The following ZNF615 variants were observed in gnomAD, a reference collection of about 807,000 sequenced individuals.
ZNF615 encodes zinc finger protein 615.
ZNF615 carries 15 observed loss-of-function variants against 15.3 expected under a neutral mutation model. The observed-to-expected ratio is 0.98, with a 90% CI of 0.66 to 1.51. The LOEUF (loss-of-function observed/expected upper bound fraction) is 1.51, where lower values mean the gene tolerates loss of function less well. ZNF615 is among the 40% of genes most tolerant of loss of function. ZNF615 has a pLI of 0.00. For synonymous variants in ZNF615, 268 were observed against 294.6 expected, an observed-to-expected ratio of 0.91 and a Z score of 0.92; for missense variants, 848 against 895.9, an observed-to-expected ratio of 0.95 and a Z score of 0.68.
Position 51,994,130 on chromosome 19 carries a change from G to A in ZNF615, c.979C>T (p.His327Tyr), listed in dbSNP as rs772020492. 6.2e-7 allele frequency: 1 copy of A among 1,613,040 alleles called. No individual in the cohort carries two copies. The highest frequency in any genetic ancestry group is 1.7e-5 in the Admixed American group (1 of 59,926). Residue 327 changes from histidine to tyrosine, a missense_variant, in exon 7 of 7, where the codon CAT (histidine) becomes TAT (tyrosine). Physicochemically the swap from His to Tyr is moderately conservative, Grantham distance 83 (BLOSUM62 2). Coordinates refer to ENST00000598071, the MANE Select transcript of ZNF615 (RefSeq NM_001199324.2). ...GCCTTCCCACATACACTGCATCCAT[G>A]GGGTTTCTCTCCTGTATGAGTTCGT... ...HQRTHTGEKP[H>Y]GCSVCGKAFS... is the part of the protein sequence containing the mutation.
intron 3 of ZNF615, among the ~76,000 whole-genome samples, chr19:52,003,158 T>C (rs2123071589): frequency 6.6e-6 from 1 of 152,222 alleles, no homozygotes; most frequent in Middle Eastern, 3.4e-3. Context: ...AAAAAATCCT[T>C]AGAATATATA....
At chr19:52,003,573 G>T in intron 3 of ZNF615, 124 bp downstream of exon 3, 1 of 855,880 alleles carries the variant, frequency 1.2e-6, no homozygotes, top group Non-Finnish European at 1.8e-6. Flanking sequence ...ATCCTTCTTT[G>T]CCCAGATTTC....
chr19:52,001,001 C>T (rs769780131), intron 5 of ZNF615, among the ~76,000 whole-genome samples: 6 of 151,642 alleles, frequency 4.0e-5, no homozygotes, highest in Non-Finnish European at 7.4e-5. Context: ...ACATAAATGC[C>T]AATCAGAGAC....
In ZNF615 at chr19:52,000,386, A is replaced by T. The variant is rs534769096; in HGVS notation, c.239-8T>A. The T allele has an allele frequency of 5.8e-4, 362 of 628,818 alleles. No individual in the cohort carries two copies. The highest frequency in any genetic ancestry group is 1.2e-3 in the Admixed American group (53 of 45,740). 39.0% of individuals were successfully genotyped at this position (628,818 alleles called of 1,614,324 possible). A position where few individuals can be genotyped will look rare whatever the true frequency, so the allele number is the denominator to read the frequency against. Reference sequence around the variant, plus strand: ...CTGATGCACCTCCTGAATCTAAAATAAAAACATAAAAGATAAAATAAAATT... The same window carrying T: ...CTGATGCACCTCCTGAATCTAAAATTAAAACATAAAAGATAAAATAAAATT... On this transcript the variant is annotated splice_polypyrimidine_tract_variant and splice_region_variant and intron_variant, in intron 5 of 6. Coordinates refer to ENST00000598071, the MANE Select transcript of ZNF615 (RefSeq NM_001199324.2).
chr19:52,007,647 T>TG (rs2086792590), intron 1 of ZNF615, among the ~76,000 whole-genome samples: 1 of 152,180 alleles, frequency 6.6e-6, no homozygotes, highest in African/African-American at 2.4e-5. Flanking sequence ...TCGGAATCTG[T>TG]GGCGCTACCA....
In ZNF615 at chr19:51,993,788, A is replaced by C. The variant is rs761138808; in HGVS notation, c.1321T>G (p.Cys441Gly). The change falls in exon 7 of 7, where the codon TGC (cysteine) becomes GGC (glycine). Residue 441 changes from cysteine to glycine, a missense_variant. By Grantham distance (159) the Cys-to-Gly change is radical. Coordinates refer to ENST00000598071, the MANE Select transcript of ZNF615 (RefSeq NM_001199324.2). ...RTHTGEKPYKCNECGKGFALK... is the reference protein window; with the variant it reads ...RTHTGEKPYKGNECGKGFALK... ...GCGAAGCCCTTTCCACACTCATTGC[A>C]TTTATAAGGTTTCTCTCCAGTATGA... 1 of 1,614,120 alleles carries C rather than the reference A, an allele frequency of 6.2e-7. No individual in the cohort carries two copies. Among genetic ancestry groups the C allele is most frequent in the South Asian group, 1.1e-5 (1 of 91,080 alleles).
chr19:51,993,786 G>A lies in ZNF615; in HGVS notation c.1323C>T (p.Cys441=). Residue 441 remains cysteine, a synonymous_variant, in exon 7 of 7, where the codon TGC becomes TGT. Transcript: ENST00000598071. ...AAGCGAAGCCCTTTCCACACTCATT[G>A]CATTTATAAGGTTTCTCTCCAGTAT... ...RTHTGEKPYK[C]NECGKGFALK... 1.2e-6 allele frequency: 2 copies of A among 1,614,112 alleles called. No homozygotes were observed. The highest frequency in any genetic ancestry group is 8.5e-7 in the Non-Finnish European group (1 of 1,180,022).
chr19:52,006,854 GAATT>G (rs1007873558), intron 2 of ZNF615, among the ~76,000 whole-genome samples: 21 of 151,788 alleles, frequency 1.4e-4, no homozygotes, highest in Admixed American at 3.3e-4. Flanking sequence ...GTAATACTAA[GAATT>G]AAGATGACCA....
Position 52,003,753 on chromosome 19 carries a change from T to C in ZNF615, c.-42A>G, listed in dbSNP as rs1304866912. The C allele has an allele frequency of 7.5e-6, 12 of 1,609,038 alleles. No individual in the cohort carries two copies. Among genetic ancestry groups the C allele is most frequent in the Non-Finnish European group, 9.3e-6 (11 of 1,178,138 alleles). ...GAAATGACTGCTAACTTGGACGTTC[T>C]GTATTTGTCTCTTCTGAATCAGCTC... On this transcript the variant is annotated 5_prime_UTR_variant, in exon 3 of 7. Transcript: ENST00000598071.
chr19:51,994,040 A>T lies in ZNF615; in HGVS notation c.1069T>A (p.Cys357Ser), dbSNP rs775233883. 6.2e-7 allele frequency: 1 copy of T among 1,613,982 alleles called. No individual in the cohort carries two copies. The highest frequency in any genetic ancestry group is 1.3e-5 in the African/African-American group (1 of 74,912). ...KTHTGEKPYI[C>S]SECGKGFIEK... Reference sequence around the variant, plus strand: ...ATGAAGCCTTTTCCACATTCACTACATATATAAGGTTTTTCTCCTGTATGA... The same window carrying T: ...ATGAAGCCTTTTCCACATTCACTACTTATATAAGGTTTTTCTCCTGTATGA... The change falls in exon 7 of 7, where the codon TGT becomes AGT. Residue 357 changes from cysteine (C) to serine (S), a missense_variant. Transcript: ENST00000598071.
In ZNF615 at chr19:51,995,919, C is replaced by CA. The variant is rs556522118; in HGVS notation, c.272-1083dup. Among the ~76,000 whole-genome samples, 269 of 151,140 alleles carry CA rather than the reference C, an allele frequency of 1.8e-3. 1 individual carries two copies. Among genetic ancestry groups the CA allele is most frequent in the African/African-American group, 6.3e-3 (259 of 41,162 alleles). ...AGGAAAAAATGAAATCACAAGGAAGCAAAAAAATAAAGAAGGTAATTGCAT... is the reference window on the plus strand; with the variant it reads ...AGGAAAAAATGAAATCACAAGGAAGCAAAAAAAATAAAGAAGGTAATTGCAT... On this transcript the variant is annotated intron_variant, in intron 6 of 6. Transcript: ENST00000598071.
rs2288887 is a variant in ZNF615, at chr19:51,992,550, A to G, written c.*330T>C. The G allele has an allele frequency of 0.36, 78,099 of 214,372 alleles. 16,230 individuals are homozygous for G. The highest frequency in any genetic ancestry group is 0.58 in the African/African-American group (25,151 of 43,222). 13.3% of individuals were successfully genotyped at this position (214,372 alleles called of 1,614,324 possible). A position where few individuals can be genotyped will look rare whatever the true frequency, so the allele number is the denominator to read the frequency against. On this transcript the variant is annotated 3_prime_UTR_variant, in exon 7 of 7. Coordinates refer to ENST00000598071, the MANE Select transcript of ZNF615 (RefSeq NM_001199324.2). ...AGTGTGAACTCTCTCAATCTGTTGA[A>G]GTTTTATTTTTGGGCAAAGACGTTC...
At position 51,993,218 on chromosome 19, in the gene ZNF615, C is replaced by T; in HGVS notation, c.1891G>A (p.Gly631Arg). 6.2e-7 allele frequency: 1 copy of T among 1,614,192 alleles called. No homozygotes were observed. Among genetic ancestry groups the T allele is most frequent in the Non-Finnish European group, 8.5e-7 (1 of 1,180,034 alleles). ...TLSIHQQTHTGEKPYKCNECD... is the reference protein window; with the variant it reads ...TLSIHQQTHTREKPYKCNECD... ...TCATTGCATTTGTATGGCTTCTCTC[C>T]AGTATGAGTTTGCTGATGTATACTG... The change falls in exon 7 of 7, where the codon GGA becomes AGA. Residue 631 changes from glycine (G) to arginine (R), a missense_variant. Coordinates refer to ENST00000598071, the MANE Select transcript of ZNF615 (RefSeq NM_001199324.2).
At chr19:52,007,539 G>A (rs1463020175) in intron 1 of ZNF615, among the ~76,000 whole-genome samples, 1 of 152,186 alleles carries the variant, frequency 6.6e-6, no homozygotes, top group African/African-American at 2.4e-5. Context: ...TTGGGCAGAA[G>A]GGGAATGCTA....
At position 52,001,357 on chromosome 19, in the gene ZNF615, A is replaced by C. The variant is rs868527363; in HGVS notation, c.238+456T>G. Reference sequence around the variant, plus strand: ...AGTGGGGGCCGGGCGCAGTGGCTCAAGCCTGTAATCTCAGCACTTTGGGAG... The same window carrying C: ...AGTGGGGGCCGGGCGCAGTGGCTCACGCCTGTAATCTCAGCACTTTGGGAG... On this transcript the variant is annotated intron_variant, in intron 5 of 6. Coordinates refer to ENST00000598071, the MANE Select transcript of ZNF615 (RefSeq NM_001199324.2). 5.4e-4 allele frequency among the ~76,000 whole-genome samples: 82 copies of C among 152,166 alleles called. 1 individual carries two copies. The Middle Eastern group carries it at 0.01, about 19-fold the overall frequency.
Position 51,993,997 on chromosome 19 carries a change from G to A in ZNF615, c.1112C>T (p.Thr371Ile), listed in dbSNP as rs1978717. ...ACCAGTATGAGTTCGATGATGTGCA[G>A]TAAGACGCCTCTTCTCAATGAAGCC... is the stretch of plus-strand genomic sequence containing the variant. ...GKGFIEKRRL[T>I]AHHRTHTGEK... The change falls in exon 7 of 7, where the codon ACT becomes ATT. Residue 371 changes from threonine to isoleucine, a missense_variant. By Grantham distance (89) the Thr-to-Ile change is moderately conservative (BLOSUM62 -1). Transcript: ENST00000598071. 0.32 allele frequency: 510,165 copies of A among 1,613,684 alleles called. 87,557 individuals carry two copies. Among genetic ancestry groups the A allele is most frequent in the African/African-American group, 0.59 (43,970 of 74,922 alleles).
intron 6 of ZNF615, among the ~76,000 whole-genome samples, chr19:51,998,740 T>C (rs954255478): frequency 2.0e-5 from 3 of 152,176 alleles, no homozygotes; most frequent in African/African-American, 7.2e-5. Flanking sequence ...TTGCAATGTC[T>C]GCCTCCAGGG....
chr19:52,006,227 G>A (rs1017939589), intron 2 of ZNF615, among the ~76,000 whole-genome samples: 16 of 152,020 alleles, frequency 1.1e-4, no homozygotes, highest in African/African-American at 3.6e-4. Flanking sequence ...ATAAGTTTAC[G>A]GCTTTAAATG....
chr19:52,001,766 A>G (rs1174749750), intron 5 of ZNF615, 47 bp downstream of exon 5: 1 of 1,536,758 alleles, frequency 6.5e-7, no homozygotes, highest in Non-Finnish European at 9.0e-7. Context: ...CTGTGTGGGC[A>G]GAACATGGTG....
Sources: gnomAD v4.1 joint callset for allele counts (sites outside exome capture counted in the v4.1 genomes callset) on GRCh38, gnomAD v4.1.1 for gene constraint, MANE v1.5 for transcripts, NCBI Gene and HGNC (gene_info 2026-07-23, HGNC 2026-07-21) for gene names.